INPP4B: variants seen among roughly 807,000 people sequenced by gnomAD.
INPP4B encodes the protein inositol polyphosphate 4-phosphatase type II.
Under a neutral mutation model 122.5 loss-of-function variants are expected in INPP4B, and 55 were observed. That is an observed-to-expected ratio of 0.45 (90% CI 0.36 to 0.56). The LOEUF (loss-of-function observed/expected upper bound fraction) is 0.56, where lower values mean the gene tolerates loss of function less well. Ranked by LOEUF, INPP4B falls within the 20% of genes least tolerant of loss-of-function variation. The pLI is 0.00. For missense variants in INPP4B, 1,000 were observed against 1,097.7 expected (o/e 0.91, Z 1.26); for synonymous variants, 403 against 388.7 (o/e 1.04, Z -0.43).
At chr4:142,543,510 A>C (rs964200558) in intron 2 of INPP4B, among the ~76,000 whole-genome samples, 1 of 152,198 alleles carries the variant, frequency 6.6e-6, no homozygotes, top group Non-Finnish European at 1.5e-5. Flanking sequence ...GTAAAATTTC[A>C]AACTGTGTAG....
intron 11 of INPP4B, among the ~76,000 whole-genome samples, chr4:142,252,683 T>A (rs902108268): frequency 6.6e-6 from 1 of 152,206 alleles, no homozygotes; most frequent in Non-Finnish European, 1.5e-5. Flanking sequence ...AGTACACACC[T>A]ACATACCCAA....
intron 22 of INPP4B, among the ~76,000 whole-genome samples, chr4:142,110,214 G>T (rs1561148605): frequency 6.6e-6 from 1 of 152,024 alleles, no homozygotes; most frequent in Non-Finnish European, 1.5e-5. Flanking sequence ...TCTTTCCACA[G>T]GCACAAAGAA....
chr4:142,437,729 C>A (rs963285686), intron 3 of INPP4B, among the ~76,000 whole-genome samples: 4 of 152,136 alleles, frequency 2.6e-5, no homozygotes, highest in African/African-American at 9.7e-5. Flanking sequence ...GAACTACCAT[C>A]AGAAAATACT....
chr4:142,737,977 A>G (rs554050799), intron 1 of INPP4B, among the ~76,000 whole-genome samples: 8 of 152,284 alleles, frequency 5.3e-5, no homozygotes, highest in Middle Eastern at 3.4e-3. Context: ...TGGAGAGGAT[A>G]TGGAGAAATA....
At chr4:142,080,621 T>C (rs992128369) in intron 25 of INPP4B, among the ~76,000 whole-genome samples, 1 of 152,142 alleles carries the variant, frequency 6.6e-6, no homozygotes, top group Non-Finnish European at 1.5e-5. Context: ...TAGTATAACA[T>C]GTCCAGTAAA....
intron 1 of INPP4B, among the ~76,000 whole-genome samples, chr4:142,768,545 A>G (rs894109299): frequency 3.3e-5 from 5 of 152,214 alleles, no homozygotes; most frequent in Non-Finnish European, 1.5e-5. Context: ...TTAAGTCACA[A>G]TGACACAAGG....
chr4:142,091,518 G>C (rs760370152), intron 23 of INPP4B, among the ~76,000 whole-genome samples: 3 of 152,128 alleles, frequency 2.0e-5, no homozygotes, highest in African/African-American at 4.8e-5. Flanking sequence ...AGCCTCAGAG[G>C]GGAAGCCTAC....
intron 2 of INPP4B, among the ~76,000 whole-genome samples, chr4:142,499,170 A>T (rs1274582543): frequency 6.6e-6 from 1 of 152,186 alleles, no homozygotes; most frequent in Admixed American, 6.5e-5. Context: ...AAGATAAAGA[A>T]AAAATACTCC....
intron 9 of INPP4B, among the ~76,000 whole-genome samples, chr4:142,294,856 A>G (rs12501666): frequency 0.068 from 9,764 of 143,874 alleles, 643 homozygotes; most frequent in Middle Eastern, 0.13. Context: ...AAAAAAAAAA[A>G]GGCAGACTTA....
intron 1 of INPP4B, among the ~76,000 whole-genome samples, chr4:142,728,959 T>C (rs1765701125): frequency 6.7e-6 from 1 of 150,258 alleles, no homozygotes; most frequent in South Asian, 2.1e-4. Context: ...TAAAAAAAAA[T>C]CTTACGGTTA....
chr4:142,609,346 A>G (rs1377422568), intron 2 of INPP4B, among the ~76,000 whole-genome samples: 1 of 152,058 alleles, frequency 6.6e-6, no homozygotes, highest in African/African-American at 2.4e-5. Flanking sequence ...GCCAAAATCA[A>G]TTTGAATGTT....
intron 2 of INPP4B, among the ~76,000 whole-genome samples, chr4:142,593,034 T>C (rs1737856368): frequency 6.6e-6 from 1 of 151,444 alleles, no homozygotes; most frequent in Non-Finnish European, 1.5e-5. Context: ...AGCTAGGGAG[T>C]TCAAGGCTGC....
chr4:142,824,655 T>C (rs1302233786), intron 1 of INPP4B, among the ~76,000 whole-genome samples: 1 of 152,142 alleles, frequency 6.6e-6, no homozygotes, highest in Non-Finnish European at 1.5e-5. Flanking sequence ...TGAGCTGTCA[T>C]AGCAACCTCA....
chr4:142,151,394 G>T (rs1044598595), intron 17 of INPP4B, among the ~76,000 whole-genome samples: 1 of 151,944 alleles, frequency 6.6e-6, no homozygotes, highest in African/African-American at 2.4e-5. Flanking sequence ...GCTTCCTATT[G>T]GTCCTCCTGC....
intron 15 of INPP4B, among the ~76,000 whole-genome samples, chr4:142,180,499 T>C (rs1272796806): frequency 6.6e-6 from 1 of 152,186 alleles, no homozygotes; most frequent in Non-Finnish European, 1.5e-5. Flanking sequence ...ATATATGCTA[T>C]GGGCCTAGCA....
At chr4:142,827,426 T>C (rs1781580963) in intron 1 of INPP4B, among the ~76,000 whole-genome samples, 1 of 152,124 alleles carries the variant, frequency 6.6e-6, no homozygotes, top group Admixed American at 6.5e-5. Context: ...CTCGTATAAA[T>C]TGGAAAAAAG....
In INPP4B at chr4:142,024,359, A is replaced by T. The variant is rs1270272441; in HGVS notation, c.*4423T>A. The stretch of plus-strand genomic sequence containing the variant: ...TTAAATGAATATGAATTCACACTAA[A>T]ATTGTCAATCAGCTACACATCTCTC... On this transcript the variant is annotated 3_prime_UTR_variant, in exon 26 of 26. Coordinates refer to ENST00000262992, the MANE Select transcript of INPP4B (RefSeq NM_001101669.3). 1.3e-5 allele frequency: 2 copies of T among 152,090 alleles called. No homozygotes were observed. The highest frequency in any genetic ancestry group is 2.9e-5 in the Non-Finnish European group (2 of 67,998). The allele number at this position is 152,090 out of a possible 1,614,324, so 9.4% of individuals were successfully genotyped here.
intron 2 of INPP4B, among the ~76,000 whole-genome samples, chr4:142,683,108 G>A (rs1758866249): frequency 6.6e-6 from 1 of 151,648 alleles, no homozygotes; most frequent in African/African-American, 2.4e-5. Flanking sequence ...GAACTCCTAA[G>A]TCTCCTTTAA....
chr4:142,369,154 G>T (rs147289003), intron 7 of INPP4B, among the ~76,000 whole-genome samples: 7 of 152,260 alleles, frequency 4.6e-5, no homozygotes, highest in African/African-American at 1.7e-4. Flanking sequence ...TAGATCTGCT[G>T]CACTCTTGGG....
Sources: gnomAD v4.1 joint callset for allele counts (sites outside exome capture counted in the v4.1 genomes callset) on GRCh38, gnomAD v4.1.1 for gene constraint, MANE v1.5 for transcripts, NCBI Gene and HGNC (gene_info 2026-07-23, HGNC 2026-07-21) for gene names.